The following ARHGEF28 variants were observed in gnomAD, a reference collection of about 807,000 sequenced individuals.
ARHGEF28 encodes the protein 190 kDa guanine nucleotide exchange factor.
Under a neutral mutation model 206.6 loss-of-function variants are expected in ARHGEF28, and 152 were observed. The observed-to-expected ratio is 0.74, with a 90% CI of 0.64 to 0.84. The LOEUF is 0.84. Among genes scored for constraint, ARHGEF28 ranks in the 40% least tolerant of loss-of-function variants. The probability of loss-of-function intolerance (pLI) is 0.00; values close to 1 mark genes in which losing one functional copy is unlikely to be tolerated. For missense variants in ARHGEF28, 2,028 were observed against 2,073.2 expected (o/e 0.98, Z 0.42); for synonymous variants, 763 against 776.4 (o/e 0.98, Z 0.29).
intron 2 of ARHGEF28, among the ~76,000 whole-genome samples, chr5:73,710,933 A>G (rs992758797): frequency 2.0e-5 from 3 of 152,114 alleles, no homozygotes; most frequent in African/African-American, 7.2e-5. Context: ...CAAACTCCTA[A>G]CCTCAAGTAA....
intron 35 of ARHGEF28, among the ~76,000 whole-genome samples, chr5:73,920,546 T>TTG (rs1763461773): frequency 1.5e-5 from 1 of 68,316 alleles, no homozygotes; most frequent in South Asian, 1.1e-3. Context: ...GTCATCTAGG[T>TTG]TTTTTTTTTT....
chr5:73,715,015 A>ACT (rs758903387), intron 2 of ARHGEF28, among the ~76,000 whole-genome samples: 11 of 152,164 alleles, frequency 7.2e-5, no homozygotes, highest in Non-Finnish European at 1.3e-4. Flanking sequence ...ATATATTATC[A>ACT]CTCCTTAATA....
chr5:73,923,312 T>C, intron 35 of ARHGEF28: 2 of 707,310 alleles, frequency 2.8e-6, no homozygotes, highest in African/African-American at 1.8e-5. Context: ...TAAATTTGTC[T>C]TTATGAGCTC....
At chr5:73,675,205 C>T (rs1746577383) in intron 1 of ARHGEF28, among the ~76,000 whole-genome samples, 1 of 152,162 alleles carries the variant, frequency 6.6e-6, no homozygotes, top group Admixed American at 6.5e-5. Context: ...GGACACCCAG[C>T]TTGTGTCTGC....
rs187091429 is a variant in ARHGEF28 at position 73,929,929 on chromosome 5, G to T, written c.4949-10915G>T. On this transcript the variant is annotated intron_variant, in intron 35 of 35. Transcript: ENST00000513042. ...ATATATATGTACTTTCTGCAACTTG[G>T]TTTTTTTCATATTCATACATGCGAC... 6.3e-3 allele frequency among the ~76,000 whole-genome samples: 949 copies of T among 151,718 alleles called. 5 individuals carry two copies. Among genetic ancestry groups the T allele is most frequent in the Admixed American group, 0.011 (164 of 15,250 alleles).
intron 4 of ARHGEF28, among the ~76,000 whole-genome samples, chr5:73,756,467 G>C (rs984746326): frequency 4.6e-5 from 7 of 152,222 alleles, no homozygotes; most frequent in Admixed American, 2.0e-4. Flanking sequence ...TAGACTTGTA[G>C]TGTAGCTTCT....
At chr5:73,940,793 C>G (rs928232390) in intron 35 of ARHGEF28, 51 bp from the exon 36 acceptor site, 131 of 1,378,784 alleles carry the variant, frequency 9.5e-5, no homozygotes, top group Non-Finnish European at 1.2e-4. Context: ...AGACATCTGC[C>G]TTGTACATCT....
chr5:73,904,327 A>T, intron 32 of ARHGEF28, 31 bp from the exon 33 acceptor site: 1 of 1,613,102 alleles, frequency 6.2e-7, no homozygotes. Context: ...AGCTTTTTCA[A>T]GAATTTGACA....
Position 73,941,107 on chromosome 5 carries a change from C to T in ARHGEF28, c.*94C>T, listed in dbSNP as rs1742589706. On this transcript the variant is annotated 3_prime_UTR_variant, in exon 36 of 36. Coordinates refer to ENST00000513042, the MANE Select transcript of ARHGEF28 (RefSeq NM_001177693.2). The stretch of plus-strand genomic sequence containing the variant: ...CTTATGTATGTGTGATTGTCTGTGT[C>T]CAAATTGCTTTAAGAATAATATTTA... The T allele has an allele frequency of 2.2e-5, 26 of 1,190,048 alleles. No homozygotes were observed. In the South Asian group the frequency reaches 4.0e-4, roughly 18 times the overall value. 73.7% of individuals were successfully genotyped at this position (1,190,048 alleles called of 1,614,324 possible). A position where few individuals can be genotyped will look rare whatever the true frequency, so the allele number is the denominator to read the frequency against.
chr5:73,830,508 T>A (rs900175415), intron 9 of ARHGEF28, among the ~76,000 whole-genome samples: 1 of 150,132 alleles, frequency 6.7e-6, no homozygotes, highest in African/African-American at 2.5e-5. Flanking sequence ...GAGCCGAGAT[T>A]GCGCCACTGC....
intron 35 of ARHGEF28, among the ~76,000 whole-genome samples, chr5:73,939,587 T>C (rs558632181): frequency 6.6e-6 from 1 of 152,328 alleles, no homozygotes; most frequent in African/African-American, 2.4e-5. Flanking sequence ...TCGGCTCCTG[T>C]GGCCCTGGCT....
intron 33 of ARHGEF28, among the ~76,000 whole-genome samples, chr5:73,906,993 T>G (rs747758910): frequency 6.6e-6 from 1 of 152,246 alleles, no homozygotes; most frequent in Non-Finnish European, 1.5e-5. Context: ...TACATGAATT[T>G]CATTTTCTTG....
At chr5:73,749,439 G>C (rs1751910020) in intron 2 of ARHGEF28, among the ~76,000 whole-genome samples, 1 of 152,166 alleles carries the variant, frequency 6.6e-6, no homozygotes, top group African/African-American at 2.4e-5. Flanking sequence ...GGCTGAAGTG[G>C]GAGGATTGCT....
intron 34 of ARHGEF28, among the ~76,000 whole-genome samples, chr5:73,910,857 G>A (rs950276311): frequency 6.6e-6 from 1 of 152,156 alleles, no homozygotes; most frequent in Non-Finnish European, 1.5e-5. Flanking sequence ...AGTGCCTAAA[G>A]TTGTAGAAGT....
At chr5:73,653,627 A>G (rs1176913239) in intron 1 of ARHGEF28, among the ~76,000 whole-genome samples, 1 of 152,112 alleles carries the variant, frequency 6.6e-6, no homozygotes, top group East Asian at 1.9e-4. Flanking sequence ...ACAGAGTTTC[A>G]CATGTTCTCT....
chr5:73,736,816 A>C (rs188756692), intron 2 of ARHGEF28, among the ~76,000 whole-genome samples: 1 of 141,104 alleles, frequency 7.1e-6, no homozygotes, highest in East Asian at 2.5e-4. Flanking sequence ...ACAACGTCGA[A>C]TTTTATGGGA....
chr5:73,933,326 CTTTT>C (rs757401290), intron 35 of ARHGEF28, among the ~76,000 whole-genome samples: 4 of 152,168 alleles, frequency 2.6e-5, no homozygotes, highest in Non-Finnish European at 4.4e-5. Flanking sequence ...AATCTATCTT[CTTTT>C]TAATGGGTAG....
rs76159037 is a variant in ARHGEF28 at position 73,799,419 on chromosome 5, G to A, written c.1024+4028G>A. 3.9e-3 allele frequency among the ~76,000 whole-genome samples: 593 copies of A among 152,328 alleles called. 10 individuals are homozygous for A. The East Asian group carries it at 0.067, about 17-fold the overall frequency. ...AAATAAAGCTATGTGGCTTTGGTTA[G>A]AAATTAAGATATCCAGTTAAATGTT... On this transcript the variant is annotated intron_variant, in intron 9 of 35. Coordinates refer to ENST00000513042, the MANE Select transcript of ARHGEF28 (RefSeq NM_001177693.2).
chr5:73,796,965 G>C (rs1382388663), intron 9 of ARHGEF28, among the ~76,000 whole-genome samples: 1 of 152,146 alleles, frequency 6.6e-6, no homozygotes, highest in Non-Finnish European at 1.5e-5. Context: ...GCTACTAAAA[G>C]TATTAAACAC....
Sources: allele counts gnomAD v4.1 joint callset (sites outside exome capture counted in the v4.1 genomes callset), GRCh38; gene constraint gnomAD v4.1.1; transcripts MANE v1.5; gene names NCBI Gene and HGNC (gene_info 2026-07-23, HGNC 2026-07-21).